DNAJC7: variants seen among roughly 807,000 people sequenced by gnomAD.
The protein encoded by DNAJC7 is dnaJ homolog subfamily C member 7.
In DNAJC7, 18 loss-of-function variants were observed where a neutral mutation model predicts 67.4. The ratio of observed to expected loss-of-function variants is 0.27; its 90% CI spans 0.18 to 0.40. The LOEUF (loss-of-function observed/expected upper bound fraction) is 0.40. Ranked by LOEUF, DNAJC7 falls within the 10% of genes least tolerant of loss-of-function variation. DNAJC7 has a pLI of 1.00. For synonymous variants in DNAJC7, 220 were observed against 207.8 expected (o/e 1.06, Z -0.50); for missense variants, 419 against 613.8 (o/e 0.68, Z 3.35).
chr17:41,989,837 TA>T (rs2051468894), intron 6 of DNAJC7, among the ~76,000 whole-genome samples: 1 of 152,190 alleles, frequency 6.6e-6, no homozygotes, highest in Non-Finnish European at 1.5e-5. Flanking sequence ...TTTTTGTAAA[TA>T]AAACACTATT....
chr17:41,996,272 A>G (rs962995631), intron 4 of DNAJC7, 39 bp downstream of exon 4: 2 of 1,602,356 alleles, frequency 1.2e-6, no homozygotes, highest in African/African-American at 2.7e-5. Context: ...CAAATATACC[A>G]TACTGCCTCT....
intron 9 of DNAJC7, chr17:41,986,039 G>C (rs1411909336): frequency 1.2e-5 from 1 of 81,518 alleles, no homozygotes; most frequent in African/African-American, 3.6e-5. Context: ...TGGTGTTGGG[G>C]GCTTGCTTAA....
Position 42,017,333 on chromosome 17 carries a change from C to G in DNAJC7, c.77+7G>C. 1 of 1,611,836 alleles carries G rather than the reference C, an allele frequency of 6.2e-7. No homozygotes were observed. Among genetic ancestry groups the G allele is most frequent in the Non-Finnish European group, 8.5e-7 (1 of 1,179,882 alleles). ...TCGCCTCCTCTACTACCCTGCTACC[C>G]GGTTACCTCTTCGCCTCTTGGTCGT... is the stretch of plus-strand genomic sequence containing the variant. On this transcript the variant is annotated splice_region_variant and intron_variant, in intron 1 of 13. Coordinates refer to ENST00000457167, the MANE Select transcript of DNAJC7 (RefSeq NM_003315.4).
At chr17:41,984,346 C>G (rs1175991653) in intron 9 of DNAJC7, 1 of 150,102 alleles carries the variant, frequency 6.7e-6, no homozygotes, top group Non-Finnish European at 1.5e-5. Flanking sequence ...CTCTGTTGCC[C>G]AGACTGCAGT....
chr17:42,000,817 T>G (rs1188560021), intron 1 of DNAJC7: 4 of 294,362 alleles, frequency 1.4e-5, no homozygotes, highest in Admixed American at 5.2e-5. Context: ...AGAAAACCCC[T>G]CTTATGTTCC....
chr17:41,992,562 G>C (rs2051537742), intron 5 of DNAJC7: 1 of 152,174 alleles, frequency 6.6e-6, no homozygotes. Context: ...GATGGAAAAG[G>C]AATGAGGGGG....
At chr17:41,977,901 A>G in intron 12 of DNAJC7, among the ~76,000 whole-genome samples, 1 of 152,092 alleles carries the variant, frequency 6.6e-6, no homozygotes, top group South Asian at 2.1e-4. Context: ...GGCTGCAGTA[A>G]GCTATGATCA....
chr17:42,001,070 G>A (rs1351344252), intron 1 of DNAJC7: 1 of 152,546 alleles, frequency 6.6e-6, no homozygotes, highest in East Asian at 1.9e-4. Flanking sequence ...TTTGTCACTG[G>A]AAGAACAAGC....
At chr17:41,986,904 T>G (rs1555646956) in intron 9 of DNAJC7, among the ~76,000 whole-genome samples, 1 of 152,188 alleles carries the variant, frequency 6.6e-6, no homozygotes, top group African/African-American at 2.4e-5. Flanking sequence ...CTTAAACTAC[T>G]GGCTCATCAG....
chr17:42,000,401 G>A (rs1555649319), intron 2 of DNAJC7, 81 bp downstream of exon 2: 2 of 1,010,440 alleles, frequency 2.0e-6, no homozygotes, highest in African/African-American at 3.6e-5. Flanking sequence ...TTACAGGCGT[G>A]AGCCACCAGG....
At chr17:41,989,353 A>G in intron 7 of DNAJC7, 51 bp downstream of exon 7, 1 of 1,597,794 alleles carries the variant, frequency 6.3e-7, no homozygotes, top group East Asian at 2.2e-5. Context: ...GCCATCTTAA[A>G]GGTCCCAAAA....
intron 3 of DNAJC7, among the ~76,000 whole-genome samples, chr17:41,996,803 G>A (rs1039536862): frequency 2.0e-5 from 3 of 151,914 alleles, no homozygotes; most frequent in African/African-American, 7.3e-5. Flanking sequence ...ACAAACAAAC[G>A]AACAAAACTA....
chr17:42,000,645 T>C, intron 1 of DNAJC7, 75 bp from the exon 2 acceptor site: 1 of 1,185,966 alleles, frequency 8.4e-7, no homozygotes. Context: ...GGAGGAATCT[T>C]TGGTCTAGAG....
chr17:41,987,283 G>A (rs1555647028), intron 9 of DNAJC7, among the ~76,000 whole-genome samples: 1 of 151,994 alleles, frequency 6.6e-6, no homozygotes, highest in African/African-American at 2.4e-5. Context: ...AGCCATCCAG[G>A]GTGTTTCAAA....
intron 3 of DNAJC7, 142 bp from the exon 4 acceptor site, chr17:41,996,566 C>T: frequency 1.5e-6 from 1 of 657,456 alleles, no homozygotes; most frequent in Non-Finnish European, 2.6e-6. Flanking sequence ...CTTTGGGAAG[C>T]TGAGGCGGGC....
rs1555646133 is a variant in DNAJC7, at chr17:41,982,431, A to G, written c.1085-30T>C. The G allele has an allele frequency of 2.5e-6, 4 of 1,610,528 alleles. No individual in the cohort carries two copies. In the Admixed American group the frequency reaches 5.0e-5, roughly 20 times the overall value. On this transcript the variant is annotated intron_variant, in intron 10 of 13. Transcript: ENST00000457167. ...AGGAAGACATCTGGCATCAGTGGACAAATCTGACTCTGGTTTTTTCCTCAC... is the reference window on the plus strand; with the variant it reads ...AGGAAGACATCTGGCATCAGTGGACGAATCTGACTCTGGTTTTTTCCTCAC...
chr17:42,017,369 C>T lies in DNAJC7; in HGVS notation c.48G>A (p.Pro16=), dbSNP rs201630112. 4.1e-5 allele frequency: 66 copies of T among 1,610,892 alleles called. No individual in the cohort carries two copies. In the African/African-American group the frequency reaches 6.7e-4, roughly 16 times the overall value. Residue 16 remains proline (P), a synonymous_variant, in exon 1 of 14, where the codon CCG becomes CCA. Transcript: ENST00000457167. The stretch of plus-strand genomic sequence containing the variant: ...TCGCCTCTTGGTCGTCGAGCAGCTC[C>T]GGCTCGGTCGCCGCCATTACCACAT... ...ECDVVMAATE[P]ELLDDQEAKR... is the part of the protein sequence containing the mutation.
At chr17:42,011,594 C>A (rs1454904071) in intron 1 of DNAJC7, 2 of 152,184 alleles carry the variant, frequency 1.3e-5, no homozygotes, top group East Asian at 1.9e-4. Flanking sequence ...TAACTTATTT[C>A]TCCTCCCATC....
At chr17:41,987,103 T>C (rs959827652) in intron 9 of DNAJC7, among the ~76,000 whole-genome samples, 1 of 152,164 alleles carries the variant, frequency 6.6e-6, no homozygotes, top group Non-Finnish European at 1.5e-5. Flanking sequence ...CCTAGCCCTG[T>C]TCCTATCTGG....
Sources: allele counts gnomAD v4.1 joint callset (sites outside exome capture counted in the v4.1 genomes callset), GRCh38; gene constraint gnomAD v4.1.1; transcripts MANE v1.5; gene names NCBI Gene and HGNC (gene_info 2026-07-23, HGNC 2026-07-21).